The following AFF3 variants were observed in gnomAD, a reference collection of about 807,000 sequenced individuals.
AFF3 encodes AF4/FMR2 family member 3.
Under a neutral mutation model 129.7 loss-of-function variants are expected in AFF3, and 32 were observed. The observed-to-expected ratio is 0.25, with a 90% CI of 0.19 to 0.33. The LOEUF is 0.33. AFF3 is among the 10% of genes least tolerant of loss of function. The pLI is 1.00. For missense variants in AFF3, 1,373 were observed against 1,592.0 expected (o/e 0.86, Z 2.34); for synonymous variants, 644 against 635.4 (o/e 1.01, Z -0.20).
intron 4 of AFF3, among the ~76,000 whole-genome samples, chr2:100,010,833 G>A (rs769773423): frequency 6.6e-5 from 10 of 152,144 alleles, no homozygotes; most frequent in Non-Finnish European, 1.2e-4. Flanking sequence ...CGGCTTTCAG[G>A]AACATTCCAT....
chr2:100,114,797 T>C (rs1691668138), intron 2 of AFF3, among the ~76,000 whole-genome samples: 1 of 152,248 alleles, frequency 6.6e-6, no homozygotes, highest in Non-Finnish European at 1.5e-5. Context: ...AGCTCAGCAC[T>C]GAACTCATAA....
chr2:99,823,765 G>A (rs928645039), intron 8 of AFF3, among the ~76,000 whole-genome samples: 8 of 152,294 alleles, frequency 5.3e-5, no homozygotes, highest in South Asian at 2.1e-4. Context: ...GGAATACTAC[G>A]CAGCCACACA....
chr2:99,596,752 G>A (rs1358341039), intron 14 of AFF3, among the ~76,000 whole-genome samples: 3 of 152,310 alleles, frequency 2.0e-5, no homozygotes, highest in East Asian at 3.9e-4. Context: ...TTCCTAGCAG[G>A]AGCATTAACA....
intron 7 of AFF3, among the ~76,000 whole-genome samples, chr2:99,866,090 A>G (rs1427384050): frequency 1.3e-5 from 2 of 152,022 alleles, no homozygotes; most frequent in Non-Finnish European, 2.9e-5. Context: ...GAAGAGAGTA[A>G]GGCAAAAGTT....
At chr2:99,807,295 G>A (rs1051729498) in intron 8 of AFF3, among the ~76,000 whole-genome samples, 1 of 152,176 alleles carries the variant, frequency 6.6e-6, no homozygotes, top group Admixed American at 6.5e-5. Context: ...TTGCTGCATG[G>A]TCTGTTGGCT....
intron 7 of AFF3, among the ~76,000 whole-genome samples, chr2:99,924,968 C>T (rs904498564): frequency 4.0e-5 from 6 of 151,728 alleles, no homozygotes; most frequent in East Asian, 1.9e-4. Flanking sequence ...CTTGACCTTC[C>T]GGGCTCAAGC....
intron 4 of AFF3, among the ~76,000 whole-genome samples, chr2:100,050,797 T>C (rs1361126777): frequency 6.6e-6 from 1 of 152,192 alleles, no homozygotes; most frequent in Non-Finnish European, 1.5e-5. Flanking sequence ...CCCCTGCAGA[T>C]GCAGATGGGC....
rs145647876 is a variant in AFF3, at chr2:100,094,416, G to A, written c.53+9986C>T. 1.4e-4 allele frequency among the ~76,000 whole-genome samples: 21 copies of A among 152,262 alleles called. No individual in the cohort carries two copies. In the East Asian group the frequency reaches 4.1e-3, roughly 29 times the overall value. On this transcript the variant is annotated intron_variant, in intron 4 of 24. Coordinates refer to ENST00000672756, the MANE Select transcript of AFF3 (RefSeq NM_001386135.1). ...AAGGAGAAACCTAGATCCCACACAT[G>A]CTCGGTTCACTATAGGGTTCATGCT...
At chr2:99,705,787 T>C (rs1432641656) in intron 11 of AFF3, among the ~76,000 whole-genome samples, 2 of 142,094 alleles carry the variant, frequency 1.4e-5, no homozygotes, top group Admixed American at 1.6e-4. Context: ...GGCAGGAGGA[T>C]CACTTGAACC....
intron 11 of AFF3, among the ~76,000 whole-genome samples, chr2:99,682,875 G>A (rs112481310): frequency 0.015 from 2,308 of 152,338 alleles, 62 homozygotes; most frequent in African/African-American, 0.052. Flanking sequence ...TGGCAGATAC[G>A]AGGTTCTGTG....
In AFF3 at chr2:100,006,600, G is replaced by C. The variant is rs770397472; in HGVS notation, c.873+32C>G. 5.1e-6 allele frequency: 8 copies of C among 1,567,952 alleles called. No individual in the cohort carries two copies. The South Asian group carries it at 8.1e-5, about 16-fold the overall frequency. On this transcript the variant is annotated intron_variant, in intron 7 of 24. Transcript: ENST00000672756. ...TCAAATTGTCACTTGTAACTATGCA[G>C]TTGCATGTGAACGGTGCTGATAAAG... is the stretch of plus-strand genomic sequence containing the variant.
intron 7 of AFF3, among the ~76,000 whole-genome samples, chr2:99,940,735 T>C (rs940937413): frequency 1.3e-5 from 2 of 152,152 alleles, no homozygotes; most frequent in Non-Finnish European, 2.9e-5. Context: ...CTTTTATCCC[T>C]TTACTTTCTT....
chr2:99,962,363 T>TA (rs1677311451), intron 7 of AFF3, among the ~76,000 whole-genome samples: 2 of 152,056 alleles, frequency 1.3e-5, no homozygotes, highest in African/African-American at 4.8e-5. Flanking sequence ...CAGGAGATGA[T>TA]AAAAAATCAC....
chr2:99,621,883 G>C (rs976138301), intron 13 of AFF3, among the ~76,000 whole-genome samples: 1 of 152,152 alleles, frequency 6.6e-6, no homozygotes, highest in Non-Finnish European at 1.5e-5. Flanking sequence ...TGCAGGGCGA[G>C]TTGTGTGGGG....
intron 7 of AFF3, among the ~76,000 whole-genome samples, chr2:99,938,009 C>A (rs1674685000): frequency 6.6e-6 from 1 of 152,150 alleles, no homozygotes; most frequent in Non-Finnish European, 1.5e-5. Context: ...TGGATCCTGG[C>A]TCCATCATTC....
chr2:99,957,169 A>G (rs1372014630), intron 7 of AFF3, among the ~76,000 whole-genome samples: 2 of 148,560 alleles, frequency 1.3e-5, no homozygotes, highest in Non-Finnish European at 3.0e-5. Context: ...GTGTGCATGT[A>G]CGTGTGTGTG....
chr2:100,116,489 T>C (rs1450791417), intron 2 of AFF3, among the ~76,000 whole-genome samples: 1 of 152,146 alleles, frequency 6.6e-6, no homozygotes, highest in Non-Finnish European at 1.5e-5. Flanking sequence ...CCTTCTCTAT[T>C]ACCTTGGAAC....
chr2:99,706,275 GT>G, intron 11 of AFF3, among the ~76,000 whole-genome samples: 1 of 152,320 alleles, frequency 6.6e-6, no homozygotes, highest in South Asian at 2.1e-4. Context: ...CAGGGGACTG[GT>G]TTGGAAAAAT....
At chr2:99,794,482 CTT>C (rs1685425488) in intron 8 of AFF3, among the ~76,000 whole-genome samples, 1 of 152,012 alleles carries the variant, frequency 6.6e-6, no homozygotes, top group African/African-American at 2.4e-5. Flanking sequence ...TTAAATGTAT[CTT>C]TGCTGTATGT....
Sources: gnomAD v4.1 joint callset for allele counts (sites outside exome capture counted in the v4.1 genomes callset) on GRCh38, gnomAD v4.1.1 for gene constraint, MANE v1.5 for transcripts, NCBI Gene and HGNC (gene_info 2026-07-23, HGNC 2026-07-21) for gene names.